Variants in COL23A1 observed in about 807,000 individuals in gnomAD.
COL23A1 encodes collagen type XXIII alpha 1 chain, also known as collagen alpha-1(XXIII) chain.
A neutral mutation model predicts 99.3 loss-of-function variants in COL23A1; 97 were observed. The ratio of observed to expected loss-of-function variants is 0.98; its 90% CI spans 0.83 to 1.16. COL23A1 has a LOEUF of 1.16. Among genes scored for constraint, COL23A1 ranks in the 50% most tolerant of loss-of-function variants. The pLI is 0.00. For missense variants in COL23A1, 762 were observed against 757.4 expected (o/e 1.01, Z -0.07); for synonymous variants, 320 against 308.2 (o/e 1.04, Z -0.40).
chr5:178,419,591 G>T (rs1269304305), intron 2 of COL23A1, among the ~76,000 whole-genome samples: 4 of 152,184 alleles, frequency 2.6e-5, no homozygotes, highest in African/African-American at 9.7e-5. Context: ...GCCTCCCCAT[G>T]TGCTGGCCCA....
intron 1 of COL23A1, among the ~76,000 whole-genome samples, chr5:178,563,601 C>G (rs954162524): frequency 6.8e-6 from 1 of 146,668 alleles, no homozygotes; most frequent in Admixed American, 6.9e-5. Context: ...GCACCATCTC[C>G]GCTCACTGCA....
At chr5:178,253,618 G>C (rs998370434) in intron 16 of COL23A1, among the ~76,000 whole-genome samples, 2 of 151,878 alleles carry the variant, frequency 1.3e-5, no homozygotes, top group African/African-American at 2.4e-5. Flanking sequence ...GAGTAGCTGA[G>C]ACTACAGGCG....
At chr5:178,435,692 G>C (rs1261362942) in intron 2 of COL23A1, among the ~76,000 whole-genome samples, 1 of 152,150 alleles carries the variant, frequency 6.6e-6, no homozygotes, top group African/African-American at 2.4e-5. Context: ...TCTGGTTTCA[G>C]GGTGTTGAGA....
At chr5:178,407,611 GAA>G (rs1320000033) in intron 2 of COL23A1, among the ~76,000 whole-genome samples, 1 of 152,048 alleles carries the variant, frequency 6.6e-6, no homozygotes, top group Non-Finnish European at 1.5e-5. Flanking sequence ...TGAAAAAACA[GAA>G]AGTCTCAGCA....
At chr5:178,246,559 A>G (rs1764706851) in intron 22 of COL23A1, 106 bp from the exon 23 acceptor site, 2 of 1,173,646 alleles carry the variant, frequency 1.7e-6, no homozygotes, top group South Asian at 1.4e-5. Flanking sequence ...AGAGGAACAG[A>G]TCGAGGCTCC....
At chr5:178,545,121 A>G (rs1022726052) in intron 2 of COL23A1, among the ~76,000 whole-genome samples, 1 of 150,500 alleles carries the variant, frequency 6.6e-6, no homozygotes, top group African/African-American at 2.5e-5. Flanking sequence ...TAAATAAAGT[A>G]GTACATTCCC....
At chr5:178,477,908 G>A (rs1757119645) in intron 2 of COL23A1, among the ~76,000 whole-genome samples, 1 of 152,206 alleles carries the variant, frequency 6.6e-6, no homozygotes, top group Non-Finnish European at 1.5e-5. Flanking sequence ...TTTCACAGAT[G>A]AGAAAATTGA....
intron 16 of COL23A1, among the ~76,000 whole-genome samples, chr5:178,253,200 T>C (rs1369370341): frequency 6.6e-6 from 1 of 152,008 alleles, no homozygotes; most frequent in Non-Finnish European, 1.5e-5. Flanking sequence ...CTGCTCAGCC[T>C]CCACACTCCT....
At chr5:178,368,764 A>T (rs1762634335) in intron 2 of COL23A1, among the ~76,000 whole-genome samples, 1 of 152,262 alleles carries the variant, frequency 6.6e-6, no homozygotes, top group Admixed American at 6.5e-5. Context: ...CAGGAGGACC[A>T]GGTGCAGCTA....
At chr5:178,323,729 G>C (rs1026579350) in intron 2 of COL23A1, among the ~76,000 whole-genome samples, 1 of 152,158 alleles carries the variant, frequency 6.6e-6, no homozygotes, top group Non-Finnish European at 1.5e-5. Flanking sequence ...CAGGGCGCTG[G>C]AACGCTGCAG....
At chr5:178,496,764 A>T (rs2127978658) in intron 2 of COL23A1, among the ~76,000 whole-genome samples, 1 of 152,328 alleles carries the variant, frequency 6.6e-6, no homozygotes, top group South Asian at 2.1e-4. Flanking sequence ...CTTGGGCAAA[A>T]AGGGAAATAA....
At chr5:178,249,092 T>C (rs1764871420) in intron 19 of COL23A1, 25 bp downstream of exon 19, 2 of 1,611,572 alleles carry the variant, frequency 1.2e-6, no homozygotes, top group East Asian at 2.2e-5. Flanking sequence ...GGAGGCGTAA[T>C]GTGTGGCCCA....
intron 2 of COL23A1, among the ~76,000 whole-genome samples, chr5:178,381,255 C>T (rs902085537): frequency 3.3e-5 from 5 of 152,250 alleles, no homozygotes; most frequent in Admixed American, 6.5e-5. Context: ...AAGCCAGCAG[C>T]TGGCCCTCCT....
intron 24 of COL23A1, 59 bp downstream of exon 24, chr5:178,246,195 G>A: frequency 6.5e-7 from 1 of 1,533,520 alleles, no homozygotes; most frequent in Non-Finnish European, 8.8e-7. Context: ...TCCCCGGGCT[G>A]AGCGCCACCA....
chr5:178,311,807 C>T (rs564695663), intron 2 of COL23A1, among the ~76,000 whole-genome samples: 8 of 151,352 alleles, frequency 5.3e-5, no homozygotes, highest in South Asian at 2.1e-4. Flanking sequence ...CTCGGCTCAC[C>T]GCAACCTCCG....
chr5:178,553,725 T>C (rs1762127364), intron 2 of COL23A1, among the ~76,000 whole-genome samples: 1 of 152,158 alleles, frequency 6.6e-6, no homozygotes, highest in South Asian at 2.1e-4. Flanking sequence ...GCCACACACT[T>C]TCCTTTTCTG....
At chr5:178,523,261 G>C (rs962216856) in intron 2 of COL23A1, among the ~76,000 whole-genome samples, 57 of 65,716 alleles carry the variant, frequency 8.7e-4, no homozygotes, top group Non-Finnish European at 2.2e-3. Flanking sequence ...GAGAGACAGA[G>C]AGAGAGAGAG....
chr5:178,517,870 GTTCTTTTTT>G (rs1425371192), intron 2 of COL23A1, among the ~76,000 whole-genome samples: 2 of 81,938 alleles, frequency 2.4e-5, no homozygotes, highest in African/African-American at 1.1e-4. Context: ...AGCAACAGCG[GTTCTTTTTT>G]TTTTTTTTTT....
At chr5:178,355,110 C>A (rs1761564094) in intron 2 of COL23A1, among the ~76,000 whole-genome samples, 1 of 151,236 alleles carries the variant, frequency 6.6e-6, no homozygotes, top group South Asian at 2.1e-4. Context: ...GTTTACATAG[C>A]ATTTACATCA....
Sources: gnomAD v4.1 joint callset for allele counts (sites outside exome capture counted in the v4.1 genomes callset) on GRCh38, gnomAD v4.1.1 for gene constraint, MANE v1.5 for transcripts, NCBI Gene and HGNC (gene_info 2026-07-23, HGNC 2026-07-21) for gene names.